The following KLRD1 variants were observed in gnomAD, a reference collection of about 807,000 sequenced individuals.
KLRD1 encodes killer cell lectin like receptor D1, also known as natural killer cells antigen CD94.
KLRD1 carries 21 observed loss-of-function variants against 22.6 expected under a neutral mutation model. The ratio of observed to expected loss-of-function variants is 0.93; its 90% CI spans 0.66 to 1.34. KLRD1 has a LOEUF of 1.34. Among genes scored for constraint, KLRD1 ranks in the 40% most tolerant of loss-of-function variants. The pLI is 0.00. For synonymous variants in KLRD1, 59 were observed against 71.1 expected, an observed-to-expected ratio of 0.83 and a Z score of 0.85; for missense variants, 183 against 208.6, an observed-to-expected ratio of 0.88 and a Z score of 0.76.
At chr12:10,245,677 A>G (rs940227566) in intron 1 of KLRD1, among the ~76,000 whole-genome samples, 6 of 152,192 alleles carry the variant, frequency 3.9e-5, no homozygotes, top group Admixed American at 2.6e-4. Flanking sequence ...GCCAACATAT[A>G]GATAATGACG....
chr12:10,269,472 T>C (rs1331709267), intron 1 of KLRD1, among the ~76,000 whole-genome samples: 1 of 152,168 alleles, frequency 6.6e-6, no homozygotes, highest in South Asian at 2.1e-4. Context: ...CTTTAAAAAT[T>C]ATCAGCCAGG....
chr12:10,313,677 G>C (rs1424959501), intron 5 of KLRD1, among the ~76,000 whole-genome samples, 164 bp downstream of exon 5: 1 of 151,854 alleles, frequency 6.6e-6, no homozygotes, highest in African/African-American at 2.4e-5. Flanking sequence ...TTTAGATCTA[G>C]GCAGATCTAA....
At chr12:10,270,286 C>A (rs545272127) in intron 1 of KLRD1, among the ~76,000 whole-genome samples, 112 of 151,942 alleles carry the variant, frequency 7.4e-4, no homozygotes, top group African/African-American at 2.5e-3. Context: ...AACCTTAGAA[C>A]CAAATTTAAA....
upstream of KLRD1, among the ~76,000 whole-genome samples, chr12:10,306,827 C>T (rs1048463078): frequency 7.9e-5 from 12 of 152,062 alleles, no homozygotes; most frequent in African/African-American, 2.9e-4. Flanking sequence ...GTTTTGACTT[C>T]ATAAAAACTG....
At chr12:10,304,925 G>A (rs571841083), upstream of KLRD1, among the ~76,000 whole-genome samples, 2 of 152,168 alleles carry the variant, frequency 1.3e-5, no homozygotes, top group African/African-American at 4.8e-5. Context: ...TCTGTTAAAA[G>A]AATAATTTGC....
intron 1 of KLRD1, among the ~76,000 whole-genome samples, chr12:10,278,028 G>A (rs1949607431): frequency 6.6e-6 from 1 of 152,212 alleles, no homozygotes; most frequent in Admixed American, 6.5e-5. Flanking sequence ...ATCATAGACT[G>A]GCAGAGAGTG....
intron 1 of KLRD1, among the ~76,000 whole-genome samples, chr12:10,258,331 G>C (rs1387256817): frequency 6.6e-6 from 1 of 152,050 alleles, no homozygotes; most frequent in East Asian, 1.9e-4. Context: ...GTCATTTGTG[G>C]TGTTTTTATT....
At chr12:10,286,595 GATTGATTAGA>G (rs1275176771) in intron 1 of KLRD1, among the ~76,000 whole-genome samples, 2 of 146,814 alleles carry the variant, frequency 1.4e-5, no homozygotes, top group African/African-American at 5.0e-5. Flanking sequence ...ACCTGATAAG[GATTGATTAGA>G]AATTAGTTTT....
In KLRD1 at chr12:10,316,469, C is replaced by G. The variant is rs1950232615; in HGVS notation, c.*1676C>G. The G allele has an allele frequency of 6.6e-6, 1 of 152,024 alleles. No homozygotes were observed. The allele number at this position is 152,024 out of a possible 1,614,324, so 9.4% of individuals were successfully genotyped here. ...CCAGGCTGTAGTGCAATGATGCAAT[C>G]ATGGTTCACTGCAGCTTCAACTTCC... On this transcript the variant is annotated 3_prime_UTR_variant, in exon 6 of 6. Coordinates refer to ENST00000336164, the MANE Select transcript of KLRD1 (RefSeq NM_002262.5).
intron 1 of KLRD1, among the ~76,000 whole-genome samples, chr12:10,279,770 A>G (rs1468856270): frequency 6.6e-6 from 1 of 152,090 alleles, no homozygotes; most frequent in Non-Finnish European, 1.5e-5. Flanking sequence ...GTTATTTCAC[A>G]TTATTATCTG....
chr12:10,251,415 A>G (rs1275923275), intron 1 of KLRD1, among the ~76,000 whole-genome samples: 12 of 152,150 alleles, frequency 7.9e-5, no homozygotes, highest in Non-Finnish European at 1.6e-4. Context: ...ATGAGCCACC[A>G]TGCCCAGCCC....
intron 1 of KLRD1, among the ~76,000 whole-genome samples, chr12:10,252,791 T>C (rs2137621178): frequency 6.6e-6 from 1 of 152,028 alleles, no homozygotes; most frequent in East Asian, 1.9e-4. Flanking sequence ...TGAAGAAGAA[T>C]GGTGGGGGTG....
chr12:10,322,299 G>C lies in KLRD1; in HGVS notation c.*7506G>C, dbSNP rs556449724. Reference sequence around the variant, plus strand: ...TGGCCTCAAGTGATCCACCTGCCTCGGCCTCCTGAAGTGCTGGGATTACAG... The same window carrying C: ...TGGCCTCAAGTGATCCACCTGCCTCCGCCTCCTGAAGTGCTGGGATTACAG... On this transcript the variant is annotated 3_prime_UTR_variant, in exon 6 of 6. Transcript: ENST00000336164. 1 of 152,146 alleles carries C rather than the reference G, an allele frequency of 6.6e-6. No individual in the cohort carries two copies. The allele number at this position is 152,146 out of a possible 1,614,324, so 9.4% of individuals were successfully genotyped here.
At chr12:10,282,241 CACATATGTAT>C (rs1197984126) in intron 1 of KLRD1, among the ~76,000 whole-genome samples, 4 of 151,672 alleles carry the variant, frequency 2.6e-5, no homozygotes, top group South Asian at 2.1e-4. Context: ...AAAACATATA[CACATATGTAT>C]ACATACATTT....
chr12:10,249,489 A>G (rs532096731), intron 1 of KLRD1, among the ~76,000 whole-genome samples: 1 of 152,322 alleles, frequency 6.6e-6, no homozygotes, highest in South Asian at 2.1e-4. Context: ...CAACTGGACC[A>G]AAGTTATAAA....
chr12:10,308,417 C>T, intron 1 of KLRD1: 2 of 295,224 alleles, frequency 6.8e-6, no homozygotes, highest in South Asian at 1.1e-4. Context: ...ATATTAATGA[C>T]ACAATGCTGA....
chr12:10,267,945 G>A (rs995053951), intron 1 of KLRD1, among the ~76,000 whole-genome samples: 1 of 152,208 alleles, frequency 6.6e-6, no homozygotes, highest in Non-Finnish European at 1.5e-5. Flanking sequence ...TTTAGCTGGG[G>A]AAGGGAGCTG....
At position 10,322,420 on chromosome 12, in the gene KLRD1, C is replaced by T. The variant is rs756621655; in HGVS notation, c.*7627C>T. The T allele has an allele frequency of 2.6e-5, 4 of 152,092 alleles. No homozygotes were observed. Among genetic ancestry groups the T allele is most frequent in the Non-Finnish European group, 5.9e-5 (4 of 68,020 alleles). The allele number at this position is 152,092 out of a possible 1,614,324, so 9.4% of individuals were successfully genotyped here. A position where few individuals can be genotyped will look rare whatever the true frequency, so the allele number is the denominator to read the frequency against. The stretch of plus-strand genomic sequence containing the variant: ...TTCTTTGAGGTTCTATTGTTATAAC[C>T]CTTATACAATAAAAAACAACTCTTC... On this transcript the variant is annotated 3_prime_UTR_variant, in exon 6 of 6. Coordinates refer to ENST00000336164, the MANE Select transcript of KLRD1 (RefSeq NM_002262.5).
intron 1 of KLRD1, among the ~76,000 whole-genome samples, chr12:10,275,973 T>G (rs1949588465): frequency 1.3e-5 from 2 of 152,222 alleles, no homozygotes; most frequent in African/African-American, 4.8e-5. Flanking sequence ...ATTTTCTTGC[T>G]TCTTATGCAC....
Sources: gnomAD v4.1 joint callset for allele counts (sites outside exome capture counted in the v4.1 genomes callset) on GRCh38, gnomAD v4.1.1 for gene constraint, MANE v1.5 for transcripts, NCBI Gene and HGNC (gene_info 2026-07-23, HGNC 2026-07-21) for gene names.